The following TIAM1 variants were observed in gnomAD, a reference collection of about 807,000 sequenced individuals.
The protein encoded by TIAM1 is TIAM Rac1 associated GEF 1, also known as rho guanine nucleotide exchange factor TIAM1.
TIAM1 carries 65 observed loss-of-function variants against 163.5 expected under a neutral mutation model. The observed-to-expected ratio is 0.40, with a 90% CI of 0.33 to 0.49. The LOEUF (loss-of-function observed/expected upper bound fraction) is 0.49, where lower values mean the gene tolerates loss of function less well. Ranked by LOEUF, TIAM1 falls within the 20% of genes least tolerant of loss-of-function variation. TIAM1 has a pLI of 0.77. For missense variants in TIAM1, 1,789 were observed against 2,044.7 expected (o/e 0.87, Z 2.41); for synonymous variants, 833 against 810.1 (o/e 1.03, Z -0.48).
intron 12 of TIAM1, among the ~76,000 whole-genome samples, chr21:31,195,561 C>T (rs1241696344): frequency 6.6e-6 from 1 of 152,146 alleles, no homozygotes; most frequent in Non-Finnish European, 1.5e-5. Context: ...TACCCAATGT[C>T]TATCACAGAC....
intron 2 of TIAM1, among the ~76,000 whole-genome samples, chr21:31,427,359 C>T (rs1322699403): frequency 2.0e-5 from 3 of 151,828 alleles, no homozygotes; most frequent in East Asian, 1.9e-4. Flanking sequence ...TGGTGGTGGG[C>T]GCCTGTAGTC....
chr21:31,179,349 T>C (rs1025504464), intron 15 of TIAM1, among the ~76,000 whole-genome samples: 1 of 151,590 alleles, frequency 6.6e-6, no homozygotes, highest in African/African-American at 2.4e-5. Context: ...ATGGCGCCAT[T>C]GCACTCCAGC....
chr21:31,486,904 G>A (rs9979026), intron 1 of TIAM1, among the ~76,000 whole-genome samples: 89,712 of 152,126 alleles, frequency 0.59, 27,337 homozygotes, highest in African/African-American at 0.7. Context: ...ACTCCTCACC[G>A]GGGCCACAGG....
chr21:31,183,154 A>G (rs542068597), intron 14 of TIAM1, among the ~76,000 whole-genome samples: 1 of 152,194 alleles, frequency 6.6e-6, no homozygotes, highest in Non-Finnish European at 1.5e-5. Context: ...TCTCATTCCA[A>G]ATACACTTAG....
chr21:31,438,963 T>C (rs955455386), intron 2 of TIAM1, among the ~76,000 whole-genome samples: 8 of 152,252 alleles, frequency 5.3e-5, no homozygotes, highest in Admixed American at 3.3e-4. Context: ...ATCATTTACT[T>C]ATTTGATAAT....
intron 1 of TIAM1, among the ~76,000 whole-genome samples, chr21:31,482,228 T>C (rs1243732329): frequency 6.6e-6 from 1 of 152,070 alleles, no homozygotes; most frequent in Non-Finnish European, 1.5e-5. Context: ...CTCGGCTCAC[T>C]GCAACCTCCA....
At chr21:31,408,742 A>G (rs2077291742) in intron 2 of TIAM1, among the ~76,000 whole-genome samples, 2 of 152,318 alleles carry the variant, frequency 1.3e-5, no homozygotes, top group South Asian at 4.1e-4. Context: ...TTTTGAGGAC[A>G]CTGATGAGCT....
rs1368866935 is a variant in TIAM1, at chr21:31,395,360, G to A, written c.-368-55938C>T. 7.5e-6 allele frequency among the ~76,000 whole-genome samples: 1 copy of A among 133,994 alleles called. No individual in the cohort carries two copies. Among genetic ancestry groups the A allele is most frequent in the Non-Finnish European group, 1.8e-5 (1 of 57,068 alleles). 87.9% of individuals were successfully genotyped at this position (133,994 alleles called of 152,430 possible). On this transcript the variant is annotated intron_variant, in intron 2 of 28. Transcript: ENST00000286827. This position sits in a 1 kb window ranked among gnomAD's most constrained non-coding sequence, Gnocchi z 7.5. ...CAAATGGCCCCACACACAGATCACT[G>A]CTTGCCTCCAGAGAGAAGCAGTCCA...
At chr21:31,382,667 T>C (rs1264483286) in intron 2 of TIAM1, among the ~76,000 whole-genome samples, 4 of 152,224 alleles carry the variant, frequency 2.6e-5, no homozygotes, top group Non-Finnish European at 4.4e-5. Context: ...TTTGACAGTT[T>C]ATAAAACAGA....
chr21:31,490,576 C>A (rs2046430407), intron 1 of TIAM1, among the ~76,000 whole-genome samples: 1 of 152,168 alleles, frequency 6.6e-6, no homozygotes, highest in Non-Finnish European at 1.5e-5. Context: ...CTGCCCAGCC[C>A]CAGCCTGAAA....
chr21:31,231,463 G>T (rs2088425362), intron 6 of TIAM1, among the ~76,000 whole-genome samples: 1 of 152,112 alleles, frequency 6.6e-6, no homozygotes, highest in Admixed American at 6.6e-5. Flanking sequence ...TCTTTCCCCT[G>T]TGAGGACCCC....
rs146013791 is a variant in TIAM1 at position 31,388,606 on chromosome 21, C to T, written c.-368-49184G>A. ...CTAGGACTTGGAGGCTACAGTAAGC[C>T]ATGATCATGCCACTGCATTCCAGCC... On this transcript the variant is annotated intron_variant, in intron 2 of 28. Coordinates refer to the TIAM1 transcript ENST00000286827. 9.1e-4 allele frequency among the ~76,000 whole-genome samples: 139 copies of T among 152,096 alleles called. 1 individual carries two copies. Among genetic ancestry groups the T allele is most frequent in the African/African-American group, 3.0e-3 (123 of 41,488 alleles).
intron 2 of TIAM1, among the ~76,000 whole-genome samples, chr21:31,387,439 C>T (rs1286851149): frequency 6.6e-6 from 1 of 151,734 alleles, no homozygotes; most frequent in African/African-American, 2.4e-5. Flanking sequence ...TCTCGAACTC[C>T]TGACCTGAAA....
At chr21:31,485,203 G>A (rs1166179010) in intron 1 of TIAM1, among the ~76,000 whole-genome samples, 1 of 152,158 alleles carries the variant, frequency 6.6e-6, no homozygotes, top group Admixed American at 6.5e-5. Context: ...AGCAAGTGTA[G>A]AGCAACACGC....
At chr21:31,188,872 C>A (rs564102085) in intron 13 of TIAM1, among the ~76,000 whole-genome samples, 22 of 151,884 alleles carry the variant, frequency 1.4e-4, no homozygotes, top group Non-Finnish European at 2.5e-4. Context: ...CTGAGCCTGG[C>A]CCCAGTTTTT....
chr21:31,210,115 T>C lies in TIAM1; in HGVS notation c.2318A>G (p.Asn773Ser). ...YFTPSWFCLP[N>S]NQPALTVVRP... is the part of the protein sequence containing the mutation. ...GACGACCGTCAGGGCAGGCTGATTA[T>C]TGGGCAGACAGAACCAGGATGGAGT... The change falls in exon 11 of 28, where the codon AAT (asparagine) becomes AGT (serine). Residue 773 changes from asparagine to serine, a missense_variant. This residue lies in a region of TIAM1 where 456 missense variants were observed against 586.6 expected (regional missense o/e 0.78). Transcript: ENST00000541036. 6.2e-7 allele frequency: 1 copy of C among 1,614,170 alleles called. No homozygotes were observed. Among genetic ancestry groups the C allele is most frequent in the Non-Finnish European group, 8.5e-7 (1 of 1,180,022 alleles).
intron 2 of TIAM1, among the ~76,000 whole-genome samples, chr21:31,309,348 C>T (rs979787256): frequency 6.6e-5 from 10 of 152,142 alleles, no homozygotes; most frequent in African/African-American, 2.4e-4. Flanking sequence ...ATCTCAGCCA[C>T]TCAGGAGGCT....
At chr21:31,354,304 G>A (rs2076281488) in intron 2 of TIAM1, among the ~76,000 whole-genome samples, 1 of 152,166 alleles carries the variant, frequency 6.6e-6, no homozygotes, top group African/African-American at 2.4e-5. Context: ...TTGTCATGAA[G>A]CTCCTGGAAG....
intron 16 of TIAM1, among the ~76,000 whole-genome samples, chr21:31,156,149 C>T (rs1380253737): frequency 6.6e-6 from 1 of 152,186 alleles, no homozygotes; most frequent in African/African-American, 2.4e-5. Flanking sequence ...AAAGATGAGG[C>T]AAGGACAGGG....
Sources: gnomAD v4.1 joint callset for allele counts (sites outside exome capture counted in the v4.1 genomes callset) on GRCh38, gnomAD v4.1.1 for gene constraint, gnomAD v4.1.1 regional missense constraint, Gnocchi (gnomAD v3.1) non-coding constraint, MANE v1.5 for transcripts, NCBI Gene and HGNC (gene_info 2026-07-23, HGNC 2026-07-21) for gene names.